The following MACROD2 variants were observed in gnomAD, a reference collection of about 807,000 sequenced individuals.
The protein encoded by MACROD2 is mono-ADP ribosylhydrolase 2, also known as ADP-ribose glycohydrolase MACROD2.
A neutral mutation model predicts 70.4 loss-of-function variants in MACROD2; 36 were observed. The observed-to-expected ratio is 0.51, with a 90% CI of 0.39 to 0.68. The LOEUF is 0.68. Among genes scored for constraint, MACROD2 ranks in the 30% least tolerant of loss-of-function variants. The pLI is 0.00. For missense variants in MACROD2, 496 were observed against 538.4 expected (o/e 0.92, Z 0.78); for synonymous variants, 172 against 178.8 (o/e 0.96, Z 0.30).
chr20:14,237,911 A>G (rs955514899), intron 3 of MACROD2, among the ~76,000 whole-genome samples: 10 of 151,982 alleles, frequency 6.6e-5, no homozygotes, highest in East Asian at 1.9e-4. Flanking sequence ...TCCATGGTGT[A>G]TATGTGCCAC....
chr20:15,840,581 C>T (rs1048783250), intron 8 of MACROD2, among the ~76,000 whole-genome samples: 1 of 152,192 alleles, frequency 6.6e-6, no homozygotes, highest in Non-Finnish European at 1.5e-5. Context: ...TCTACTTCCA[C>T]AGAGTTGAAC....
At chr20:14,224,282 C>T (rs1309563440) in intron 3 of MACROD2, among the ~76,000 whole-genome samples, 4 of 152,168 alleles carry the variant, frequency 2.6e-5, no homozygotes, top group Admixed American at 2.6e-4. Flanking sequence ...CAGCCCTAGG[C>T]CTTAAGCCTC....
intron 3 of MACROD2, among the ~76,000 whole-genome samples, chr20:14,428,789 C>G (rs1323599747): frequency 6.6e-6 from 1 of 152,078 alleles, no homozygotes. Flanking sequence ...GTGAAACATT[C>G]AATTCCTAAA....
intron 8 of MACROD2, among the ~76,000 whole-genome samples, chr20:15,626,114 C>A (rs2049199138): frequency 6.6e-6 from 1 of 151,922 alleles, no homozygotes; most frequent in African/African-American, 2.4e-5. Context: ...AACTTAATAG[C>A]CAAGGGAAAA....
intron 15 of MACROD2, among the ~76,000 whole-genome samples, chr20:16,002,990 A>G (rs1328341413): frequency 6.6e-6 from 1 of 151,954 alleles, no homozygotes; most frequent in African/African-American, 2.4e-5. Flanking sequence ...GATGTTTATT[A>G]ATTTAAAAAC....
Position 15,601,836 on chromosome 20 carries a change from G to T in MACROD2, c.645+101989G>T, listed in dbSNP as rs548911497. Among the ~76,000 whole-genome samples, 18 of 152,182 alleles carry T rather than the reference G, an allele frequency of 1.2e-4. No homozygotes were observed. The East Asian group carries it at 3.5e-3, about 29-fold the overall frequency. ...AAGGTCAGGAGATCGAGACCATCCTGGCTAACACAGTGAAACCCTGTCTCT... is the reference window on the plus strand; with the variant it reads ...AAGGTCAGGAGATCGAGACCATCCTTGCTAACACAGTGAAACCCTGTCTCT... On this transcript the variant is annotated intron_variant, in intron 8 of 17. Coordinates refer to ENST00000684519, the MANE Select transcript of MACROD2 (RefSeq NM_001351661.2).
intron 5 of MACROD2, among the ~76,000 whole-genome samples, chr20:14,992,989 T>G (rs1258852303): frequency 6.6e-6 from 1 of 152,158 alleles, no homozygotes; most frequent in East Asian, 1.9e-4. Context: ...AATAGAATAT[T>G]TAATGATCTT....
intron 3 of MACROD2, among the ~76,000 whole-genome samples, chr20:14,322,455 A>G (rs983785213): frequency 7.6e-6 from 1 of 132,308 alleles, no homozygotes; most frequent in Admixed American, 8.1e-5. Flanking sequence ...CAGAGACTTT[A>G]TGGAGACATC....
At chr20:15,390,115 A>G (rs943265241) in intron 6 of MACROD2, among the ~76,000 whole-genome samples, 2 of 152,162 alleles carry the variant, frequency 1.3e-5, no homozygotes, top group African/African-American at 4.8e-5. Context: ...CCAGCCCACA[A>G]ACTCCTTCAG....
chr20:15,186,212 C>T (rs1013623809), intron 5 of MACROD2, among the ~76,000 whole-genome samples: 3 of 152,016 alleles, frequency 2.0e-5, no homozygotes, highest in African/African-American at 4.8e-5. Flanking sequence ...CTGTGTGGCT[C>T]TCTATCTAGA....
chr20:15,999,343 A>C (rs1212928349), intron 15 of MACROD2, among the ~76,000 whole-genome samples: 1 of 152,180 alleles, frequency 6.6e-6, no homozygotes, highest in African/African-American at 2.4e-5. Flanking sequence ...TGTGATGAGA[A>C]AAAATACTTG....
Position 15,801,559 on chromosome 20 carries a change from C to T in MACROD2, c.646-61186C>T, listed in dbSNP as rs1244730084. Among the ~76,000 whole-genome samples the T allele has an allele frequency of 2.6e-5, 4 of 151,674 alleles. No homozygotes were observed. The East Asian group carries it at 5.8e-4, about 22-fold the overall frequency. On this transcript the variant is annotated intron_variant, in intron 8 of 17. Transcript: ENST00000684519. Reference sequence around the variant, plus strand: ...GTCTCTATTATCTTCCATTAATCTACGCATCTGTTTTTATACCAGTACCAT... The same window carrying T: ...GTCTCTATTATCTTCCATTAATCTATGCATCTGTTTTTATACCAGTACCAT...
At chr20:15,671,748 G>A (rs904423565) in intron 8 of MACROD2, among the ~76,000 whole-genome samples, 1 of 152,184 alleles carries the variant, frequency 6.6e-6, no homozygotes, top group Non-Finnish European at 1.5e-5. Flanking sequence ...CTGCTTCACA[G>A]CGGAATGCTT....
chr20:14,386,536 C>T (rs897806700), intron 3 of MACROD2, among the ~76,000 whole-genome samples: 3 of 152,122 alleles, frequency 2.0e-5, no homozygotes, highest in African/African-American at 7.3e-5. Flanking sequence ...AGTGAACCCT[C>T]GCTGCTCTGA....
At chr20:14,726,357 C>T (rs6074781) in intron 5 of MACROD2, among the ~76,000 whole-genome samples, 3 of 152,172 alleles carry the variant, frequency 2.0e-5, no homozygotes, top group Admixed American at 1.3e-4. Context: ...TCAAAGGTTA[C>T]GCTTGATGCT....
intron 5 of MACROD2, among the ~76,000 whole-genome samples, chr20:14,782,044 C>T (rs138343257): frequency 6.6e-6 from 1 of 152,036 alleles, no homozygotes; most frequent in Non-Finnish European, 1.5e-5. Flanking sequence ...CCACCTCAGC[C>T]TCCCGAGTAG....
chr20:15,017,504 G>C (rs1261722229), intron 5 of MACROD2, among the ~76,000 whole-genome samples: 1 of 152,124 alleles, frequency 6.6e-6, no homozygotes, highest in African/African-American at 2.4e-5. Context: ...TGCCATTCTG[G>C]GGTCTGGAGG....
chr20:14,911,581 G>A (rs1238499308), intron 5 of MACROD2, among the ~76,000 whole-genome samples: 1 of 151,926 alleles, frequency 6.6e-6, no homozygotes, highest in East Asian at 1.9e-4. Flanking sequence ...GTCTCACTAT[G>A]ATGCCCAGGC....
chr20:15,610,102 A>G (rs553879334), intron 8 of MACROD2, among the ~76,000 whole-genome samples: 1 of 152,340 alleles, frequency 6.6e-6, no homozygotes, highest in East Asian at 1.9e-4. Flanking sequence ...TAAGAATTTC[A>G]CTTAACGTAA....
Sources: gnomAD v4.1 joint callset for allele counts (sites outside exome capture counted in the v4.1 genomes callset) on GRCh38, gnomAD v4.1.1 for gene constraint, MANE v1.5 for transcripts, NCBI Gene and HGNC (gene_info 2026-07-23, HGNC 2026-07-21) for gene names.